MYOM1: variants seen among roughly 807,000 people sequenced by gnomAD.
The protein encoded by MYOM1 is myomesin 1, also known as myomesin-1.
A neutral mutation model predicts 205.3 loss-of-function variants in MYOM1; 164 were observed. That is an observed-to-expected ratio of 0.80 (90% CI 0.70 to 0.91). The LOEUF (loss-of-function observed/expected upper bound fraction) is 0.91. MYOM1 is among the 40% of genes least tolerant of loss of function. MYOM1 has a pLI of 0.00. For synonymous variants in MYOM1, 772 were observed against 789.4 expected, an observed-to-expected ratio of 0.98 and a Z score of 0.37; for missense variants, 2,011 against 2,127.3, an observed-to-expected ratio of 0.95 and a Z score of 1.08.
At chr18:3,094,931 T>C (rs2079281067) in intron 25 of MYOM1, among the ~76,000 whole-genome samples, 1 of 152,158 alleles carries the variant, frequency 6.6e-6, no homozygotes, top group African/African-American at 2.4e-5. Context: ...GGTGTTGGGA[T>C]TACAGGTGTG....
rs1346274272 is a variant in MYOM1 at position 3,129,327 on chromosome 18, C to T, written c.2699G>A (p.Ser900Asn). 1.2e-6 allele frequency: 2 copies of T among 1,613,990 alleles called. No homozygotes were observed. The highest frequency in any genetic ancestry group is 3.3e-5 in the Admixed American group (2 of 60,026). The change falls in exon 18 of 38, where the codon AGT becomes AAT. Residue 900 changes from serine to asparagine, a missense_variant. Physicochemically the swap from Ser to Asn is conservative, Grantham distance 46. Transcript: ENST00000356443. The part of the protein sequence containing the change: ...NLGQTEVSKV[S>N]ETVQEELTPP... ...GGTAAGCTCTTCCTGAACTGTTTCA[C>T]TTACTTTACTCACTTCTGTTTGGCC...
rs575984911 is a variant in MYOM1 at position 3,074,510 on chromosome 18, T to G, written c.4708+944A>C. Among the ~76,000 whole-genome samples the G allele has an allele frequency of 3.3e-5, 5 of 152,320 alleles. No individual in the cohort carries two copies. The East Asian group carries it at 9.6e-4, about 29-fold the overall frequency. ...TCGGACAAAGAAGCTGAATTAGTAT[T>G]ATGGATTAGTCAGTGACTCCTAAGA... On this transcript the variant is annotated intron_variant, in intron 36 of 37. Transcript: ENST00000356443.
intron 10 of MYOM1, among the ~76,000 whole-genome samples, chr18:3,159,874 TTTCCTTCC>T (rs141381327): frequency 0.2 from 21,431 of 107,020 alleles, 2,450 homozygotes; most frequent in Middle Eastern, 0.29. Context: ...TTTTCTTTCT[TTTCCTTCC>T]TTCCTTCCTT....
chr18:3,160,428 C>T (rs2080374285), intron 10 of MYOM1, among the ~76,000 whole-genome samples: 1 of 152,106 alleles, frequency 6.6e-6, no homozygotes, highest in Non-Finnish European at 1.5e-5. Flanking sequence ...TCAAGAGATC[C>T]TCCTATCTTG....
Position 3,085,110 on chromosome 18 carries a change from A to G in MYOM1, c.4274T>C (p.Ile1425Thr). 6.2e-7 allele frequency: 1 copy of G among 1,608,120 alleles called. No individual in the cohort carries two copies. The highest frequency in any genetic ancestry group is 8.5e-7 in the Non-Finnish European group (1 of 1,177,316). The change falls in exon 31 of 38, where the codon ATT (isoleucine) becomes ACT (threonine). Residue 1425 changes from isoleucine to threonine, a missense_variant. Ile to Thr is a moderately conservative substitution (Grantham distance 89, BLOSUM62 -1). Transcript: ENST00000356443. ...GTCATCTTTCAGGATAACTTCATAAATCCCAGCATCTTTCTTGGAAAACTA... is the reference window on the plus strand; with the variant it reads ...GTCATCTTTCAGGATAACTTCATAAGTCCCAGCATCTTTCTTGGAAAACTA... ...ITEFSKKDAG[I>T]YEVILKDDRG...
Position 3,215,096 on chromosome 18 carries a change from G to A in MYOM1, c.128C>T (p.Ser43Phe), listed in dbSNP as rs1356156921. 2 of 1,613,682 alleles carry A rather than the reference G, an allele frequency of 1.2e-6. No individual in the cohort carries two copies. The highest frequency in any genetic ancestry group is 1.3e-5 in the African/African-American group (1 of 74,948). ...GGAGGAGCGGCTGCTGTAGGCCGTG[G>A]AGCCCTGGGTGTAGACGGCGGAGCG... is the stretch of plus-strand genomic sequence containing the variant. ...KKRSAVYTQG[S>F]TAYSSRSSAA... Residue 43 changes from serine to phenylalanine, a missense_variant, in exon 2 of 38, where the codon TCC becomes TTC. Transcript: ENST00000356443.
At chr18:3,149,560 G>C (rs577601087) in intron 12 of MYOM1, among the ~76,000 whole-genome samples, 1 of 152,180 alleles carries the variant, frequency 6.6e-6, no homozygotes, top group Non-Finnish European at 1.5e-5. Flanking sequence ...ATGCGTTTGG[G>C]AGAAACATTT....
intron 5 of MYOM1, 69 bp downstream of exon 5, chr18:3,187,411 T>G (rs2080832321): frequency 6.5e-7 from 1 of 1,533,248 alleles, no homozygotes; most frequent in South Asian, 1.2e-5. Flanking sequence ...GGTTGTTCTG[T>G]GTGTTTCCAC....
In MYOM1 at chr18:3,090,681, G is replaced by T. The variant is rs772132509; in HGVS notation, c.3986C>A (p.Ser1329Tyr). Residue 1329 changes from serine to tyrosine, a missense_variant, in exon 27 of 38, where the codon TCT becomes TAT. By Grantham distance (144) the Ser-to-Tyr change is moderately radical. Coordinates refer to ENST00000356443, the MANE Select transcript of MYOM1 (RefSeq NM_003803.4). ...QLQDGKATNH[S>Y]TVVLVGDVFK... The stretch of plus-strand genomic sequence containing the variant: ...ACCATCTCCAACGAGAACAACAGTA[G>T]AATGGTTAGTTGCTTTTCCATCTTG... 44 of 1,613,940 alleles carry T rather than the reference G, an allele frequency of 2.7e-5. No homozygotes were observed. The highest frequency in any genetic ancestry group is 3.6e-5 in the Non-Finnish European group (43 of 1,179,856).
Position 3,084,154 on chromosome 18 carries a change from C to T in MYOM1, c.4340-127G>A, listed in dbSNP as rs8096747. On this transcript the variant is annotated intron_variant, in intron 31 of 37. Coordinates refer to ENST00000356443, the MANE Select transcript of MYOM1 (RefSeq NM_003803.4). ...GGAAATGGAAACAAGGTGAATTTGT[C>T]GACCCACTGATAATGAGTATTCTTT... 0.91 allele frequency: 902,900 copies of T among 987,692 alleles called. 413,464 individuals are homozygous for T. Among genetic ancestry groups the T allele is most frequent in the Middle Eastern group, 0.95 (3,392 of 3,562 alleles). 61.2% of individuals were successfully genotyped at this position (987,692 alleles called of 1,614,324 possible).
chr18:3,153,794 C>A (rs554908226), intron 11 of MYOM1, among the ~76,000 whole-genome samples: 157 of 152,222 alleles, frequency 1.0e-3, no homozygotes, highest in African/African-American at 3.5e-3. Context: ...CACAGATTAT[C>A]CATCTCTAGT....
Position 3,141,941 on chromosome 18 carries a change from T to G in MYOM1, c.2023A>C (p.Lys675Gln), listed in dbSNP as rs200179081. 4 of 1,613,642 alleles carry G rather than the reference T, an allele frequency of 2.5e-6. No homozygotes were observed. Among genetic ancestry groups the G allele is most frequent in the Non-Finnish European group, 3.4e-6 (4 of 1,179,770 alleles). Residue 675 changes from lysine to glutamine, a missense_variant and splice_region_variant, in exon 14 of 38, where the codon AAG (lysine) becomes CAG (glutamine). By Grantham distance (53) the Lys-to-Gln change is moderately conservative. Coordinates refer to ENST00000356443, the MANE Select transcript of MYOM1 (RefSeq NM_003803.4). ...GHEGIMYFVEKCEAGTENWQR... is the reference protein window; with the variant it reads ...GHEGIMYFVEQCEAGTENWQR... ...TCATGTTGATTCTAGAGTCTTACCTTTTCCACAAAGTACATAATGCCCTCA... is the reference window on the plus strand; with the variant it reads ...TCATGTTGATTCTAGAGTCTTACCTGTTCCACAAAGTACATAATGCCCTCA...
At chr18:3,092,377 G>C (rs1246399558) in intron 26 of MYOM1, among the ~76,000 whole-genome samples, 1 of 151,940 alleles carries the variant, frequency 6.6e-6, no homozygotes, top group African/African-American at 2.4e-5. Flanking sequence ...ATTTTTTGTA[G>C]AGATGAGGTT....
intron 6 of MYOM1, among the ~76,000 whole-genome samples, chr18:3,174,753 T>G (rs34647598): frequency 6.6e-6 from 1 of 150,686 alleles, no homozygotes; most frequent in African/African-American, 2.4e-5. Context: ...CTGAGCCACG[T>G]TGGTCTATGT....
chr18:3,199,062 C>A (rs754639895), intron 2 of MYOM1, among the ~76,000 whole-genome samples: 1 of 152,150 alleles, frequency 6.6e-6, no homozygotes, highest in Non-Finnish European at 1.5e-5. Context: ...AACAAACAAA[C>A]AACTGAACTT....
Position 3,179,409 on chromosome 18 carries a change from C to T in MYOM1, c.930-3275G>A, listed in dbSNP as rs1483203433. Among the ~76,000 whole-genome samples the T allele has an allele frequency of 6.6e-6, 1 of 151,472 alleles. No individual in the cohort carries two copies. The highest frequency in any genetic ancestry group is 1.5e-5 in the Non-Finnish European group (1 of 67,868). ...CTCACTATGTTGCTCAAGTTGGTCT[C>T]AAATTCCTGGGCTCAAGCGATCCCC... On this transcript the variant is annotated intron_variant, in intron 5 of 37. Transcript: ENST00000356443. The surrounding 1 kb of genome is among the most constrained non-coding windows in gnomAD (Gnocchi z 4.4).
chr18:3,187,683 A>G (rs536453696), intron 4 of MYOM1, 46 bp from the exon 5 acceptor site: 2 of 1,501,364 alleles, frequency 1.3e-6, no homozygotes, highest in Admixed American at 4.2e-5. Context: ...AAATACCAAT[A>G]AATCAAAGTG....
the MYOM1 span, among the ~76,000 whole-genome samples, chr18:3,234,710 A>T: frequency 6.6e-6 from 1 of 152,078 alleles, no homozygotes; most frequent in Non-Finnish European, 1.5e-5. Context: ...CTGCCAGCCT[A>T]ATTATTGTTC....
chr18:3,229,837 T>C, the MYOM1 span, among the ~76,000 whole-genome samples: 1 of 151,702 alleles, frequency 6.6e-6, no homozygotes, highest in Non-Finnish European at 1.5e-5. Flanking sequence ...GGCGTGGTGG[T>C]GCATGCCTGT....
Sources: allele counts gnomAD v4.1 joint callset (sites outside exome capture counted in the v4.1 genomes callset), GRCh38; gene constraint gnomAD v4.1.1; non-coding constraint Gnocchi (gnomAD v3.1); transcripts MANE v1.5; gene names NCBI Gene and HGNC (gene_info 2026-07-23, HGNC 2026-07-21).